ESR1: variants seen among roughly 807,000 people sequenced by gnomAD.
The protein encoded by ESR1 is estrogen receptor 1, also known as estrogen receptor.
A neutral mutation model predicts 52.7 loss-of-function variants in ESR1; 12 were observed. That is an observed-to-expected ratio of 0.23 (90% CI 0.15 to 0.37). The LOEUF is 0.37. Ranked by LOEUF, ESR1 falls within the 10% of genes least tolerant of loss-of-function variation. ESR1 has a pLI of 1.00. For missense variants in ESR1, 584 were observed against 779.7 expected, an observed-to-expected ratio of 0.75 and a Z score of 2.99; for synonymous variants, 305 against 316.8, an observed-to-expected ratio of 0.96 and a Z score of 0.39.
chr6:151,820,655 T>C (rs1780412709), intron 1 of ESR1, among the ~76,000 whole-genome samples: 1 of 152,242 alleles, frequency 6.6e-6, no homozygotes, highest in African/African-American at 2.4e-5. Context: ...ATCAATTTAC[T>C]TGGCAGTTAG....
chr6:151,713,772 CTT>C (rs756056919), intron 2 of ESR1, among the ~76,000 whole-genome samples: 1 of 151,980 alleles, frequency 6.6e-6, no homozygotes, highest in Non-Finnish European at 1.5e-5. Flanking sequence ...TTTTGTTAAT[CTT>C]TTCAAAAAAC....
chr6:151,791,896 G>A (rs1037820589), intron 2 of ESR1, among the ~76,000 whole-genome samples: 11 of 152,114 alleles, frequency 7.2e-5, no homozygotes, highest in Admixed American at 4.6e-4. Flanking sequence ...AATCTTATCC[G>A]TTTATTCATT....
At chr6:151,666,866 T>C (rs1174559950) in intron 1 of ESR1, among the ~76,000 whole-genome samples, 2 of 151,868 alleles carry the variant, frequency 1.3e-5, no homozygotes, top group Non-Finnish European at 2.9e-5. Flanking sequence ...AGTTAAATAG[T>C]GGAAGGTTCT....
At chr6:151,938,983 T>A (rs925670381) in intron 3 of ESR1, among the ~76,000 whole-genome samples, 4 of 152,170 alleles carry the variant, frequency 2.6e-5, no homozygotes, top group Non-Finnish European at 4.4e-5. Flanking sequence ...GAAAAGTGGT[T>A]CAAAGAAATT....
chr6:151,859,532 A>G (rs558741123), intron 2 of ESR1, among the ~76,000 whole-genome samples: 3 of 152,170 alleles, frequency 2.0e-5, no homozygotes, highest in African/African-American at 7.2e-5. Context: ...TAGTGATCAC[A>G]GACCCAGGGA....
chr6:151,879,964 T>C (rs1792539417), intron 2 of ESR1, among the ~76,000 whole-genome samples: 1 of 152,148 alleles, frequency 6.6e-6, no homozygotes, highest in African/African-American at 2.4e-5. Flanking sequence ...ACTCTATTTC[T>C]AAAAGCTCTA....
exon 7 of ESR1, chr6:152,127,236 G>C (rs2053783755): frequency 6.6e-6 from 1 of 152,156 alleles, no homozygotes; most frequent in Non-Finnish European, 1.5e-5. Context: ...TAACGGGGTA[G>C]GGTCTGGAGT....
At chr6:151,849,214 A>G (rs1252443304) in intron 2 of ESR1, among the ~76,000 whole-genome samples, 2 of 152,176 alleles carry the variant, frequency 1.3e-5, no homozygotes, top group African/African-American at 4.8e-5. Flanking sequence ...GTCTGTCTGC[A>G]TCAGGTACCG....
At chr6:151,871,276 A>T (rs1790913262) in intron 2 of ESR1, among the ~76,000 whole-genome samples, 1 of 152,106 alleles carries the variant, frequency 6.6e-6, no homozygotes, top group Non-Finnish European at 1.5e-5. Context: ...GTGATAAGAT[A>T]TACATAATAT....
At chr6:151,914,409 G>A (rs989456319) in intron 3 of ESR1, among the ~76,000 whole-genome samples, 2 of 152,146 alleles carry the variant, frequency 1.3e-5, no homozygotes, top group African/African-American at 4.8e-5. Context: ...ATCACATAAT[G>A]TGAGAGAATT....
At chr6:151,802,835 A>C (rs754778074), upstream of ESR1, among the ~76,000 whole-genome samples, 3 of 152,046 alleles carry the variant, frequency 2.0e-5, no homozygotes, top group Non-Finnish European at 1.5e-5. Flanking sequence ...CTAAACATAC[A>C]AAAAAATTAG....
At chr6:151,762,951 A>G (rs9478238) in intron 2 of ESR1, among the ~76,000 whole-genome samples, 2,303 of 152,166 alleles carry the variant, frequency 0.015, 61 homozygotes, top group African/African-American at 0.053. Flanking sequence ...AAAACAAACA[A>G]ACAAACAAAA....
intron 3 of ESR1, among the ~76,000 whole-genome samples, chr6:151,895,968 T>G (rs1795430568): frequency 6.6e-6 from 1 of 152,130 alleles, no homozygotes; most frequent in Non-Finnish European, 1.5e-5. Flanking sequence ...TTTTGTATTT[T>G]TAGTAGAGAT....
At position 152,094,482 on chromosome 6, in the gene ESR1, G is replaced by A. The variant is rs750500532; in HGVS notation, c.1467G>A (p.Leu489=). The A allele has an allele frequency of 1.2e-6, 2 of 1,614,116 alleles. No homozygotes were observed. The highest frequency in any genetic ancestry group is 2.2e-5 in the East Asian group (1 of 44,870). Residue 489 remains leucine, a synonymous_variant, in exon 7 of 8, where the codon CTG becomes CTA. Transcript: ENST00000206249. This position sits in a 1 kb window ranked among gnomAD's most constrained non-coding sequence, Gnocchi z 4.6. ...AGATCACAGACACTTTGATCCACCT[G>A]ATGGCCAAGGCAGGCCTGACCCTGC... is the stretch of plus-strand genomic sequence containing the variant. ...LDKITDTLIH[L]MAKAGLTLQQ...
chr6:152,061,240 GAC>G lies in ESR1; in HGVS notation c.1369+121_1369+122del, dbSNP rs1320639616. 4.9e-6 allele frequency: 5 copies of G among 1,029,020 alleles called. No homozygotes were observed. The highest frequency in any genetic ancestry group is 3.9e-5 in the South Asian group (3 of 76,386). The allele number at this position is 1,029,020 out of a possible 1,614,324, so 63.7% of individuals were successfully genotyped here. A position where few individuals can be genotyped will look rare whatever the true frequency, so the allele number is the denominator to read the frequency against. On this transcript the variant is annotated intron_variant, in intron 6 of 7. Transcript: ENST00000206249. This position sits in a 1 kb window ranked among gnomAD's most constrained non-coding sequence, Gnocchi z 4.3. The stretch of plus-strand genomic sequence containing the variant: ...ATGTCATAAATAGAAAGAAACTACT[GAC>G]ACACGTTTTAAAATAACCTACCAAC...
chr6:151,855,244 C>G (rs999124929), intron 2 of ESR1, among the ~76,000 whole-genome samples: 1 of 152,186 alleles, frequency 6.6e-6, no homozygotes, highest in African/African-American at 2.4e-5. Flanking sequence ...GTATATTTTG[C>G]CACCACTATT....
intron 2 of ESR1, among the ~76,000 whole-genome samples, chr6:151,783,307 A>T (rs543375501): frequency 4.6e-5 from 7 of 152,184 alleles, no homozygotes; most frequent in African/African-American, 1.7e-4. Flanking sequence ...TCCTGGGGAG[A>T]TGTTGGCTAT....
At chr6:152,064,191 A>G (rs1056833108) in intron 6 of ESR1, among the ~76,000 whole-genome samples, 4 of 152,246 alleles carry the variant, frequency 2.6e-5, no homozygotes, top group Non-Finnish European at 5.9e-5. Context: ...ACTTCAAGAC[A>G]TTCTGAGAAC....
At chr6:151,756,506 T>C (rs549151440) in intron 2 of ESR1, among the ~76,000 whole-genome samples, 1 of 152,122 alleles carries the variant, frequency 6.6e-6, no homozygotes, top group Non-Finnish European at 1.5e-5. Flanking sequence ...CTGGTATTAC[T>C]TTCTAACCTC....
Sources: allele counts gnomAD v4.1 joint callset (sites outside exome capture counted in the v4.1 genomes callset), GRCh38; gene constraint gnomAD v4.1.1; non-coding constraint Gnocchi (gnomAD v3.1); transcripts MANE v1.5; gene names NCBI Gene and HGNC (gene_info 2026-07-23, HGNC 2026-07-21).